The following TMEM201 variants were observed in gnomAD, a reference collection of about 807,000 sequenced individuals.
TMEM201 encodes transmembrane protein 201.
A neutral mutation model predicts 63.4 loss-of-function variants in TMEM201; 26 were observed. That is an observed-to-expected ratio of 0.41 (90% CI 0.30 to 0.57). The LOEUF is 0.57. TMEM201 is among the 20% of genes least tolerant of loss of function. TMEM201 has a pLI of 0.29. For synonymous variants in TMEM201, 417 were observed against 421.6 expected, an observed-to-expected ratio of 0.99 and a Z score of 0.14; for missense variants, 794 against 917.7, an observed-to-expected ratio of 0.87 and a Z score of 1.74.
intron 4 of TMEM201, among the ~76,000 whole-genome samples, chr1:9,599,449 G>A (rs918795574): frequency 5.3e-5 from 8 of 151,084 alleles, no homozygotes; most frequent in Admixed American, 2.0e-4. Context: ...GTTTCACCCT[G>A]TTGCTCAGGC....
Position 9,610,436 on chromosome 1 carries a change from A to G in TMEM201, c.1466-70A>G, listed in dbSNP as rs1486675814. 1.5e-6 allele frequency: 2 copies of G among 1,373,284 alleles called. No individual in the cohort carries two copies. Among genetic ancestry groups the G allele is most frequent in the Non-Finnish European group, 1.9e-6 (2 of 1,035,726 alleles). The allele number at this position is 1,373,284 out of a possible 1,614,324, so 85.1% of individuals were successfully genotyped here. The stretch of plus-strand genomic sequence containing the variant: ...GGTTAATAGAAGAATGCCCCCAGAA[A>G]TGAAATAGCGCATTGTAGCGTTGCA... On this transcript the variant is annotated intron_variant, in intron 8 of 10. Coordinates refer to ENST00000340381, the MANE Select transcript of TMEM201 (RefSeq NM_001130924.3). The surrounding 1 kb of genome is among the most constrained non-coding windows in gnomAD (Gnocchi z 4.9).
rs1044655906 is a variant in TMEM201 at position 9,604,558 on chromosome 1, G to T, written c.1160+2286G>T. The T allele has an allele frequency of 1.0e-6, 1 of 985,422 alleles. No individual in the cohort carries two copies. The highest frequency in any genetic ancestry group is 1.1e-4 in the East Asian group (1 of 8,816). 61.0% of individuals were successfully genotyped at this position (985,422 alleles called of 1,614,324 possible). A position where few individuals can be genotyped will look rare whatever the true frequency, so the allele number is the denominator to read the frequency against. On this transcript the variant is annotated intron_variant, in intron 6 of 10. Transcript: ENST00000340381. This position sits in a 1 kb window ranked among gnomAD's most constrained non-coding sequence, Gnocchi z 4.1. ...CCTGCCAGGGAACTCTTCTCCTCGC[G>T]GGGGACTTGGGATGGCCATCAGACC... is the stretch of plus-strand genomic sequence containing the variant.
chr1:9,590,770 C>T (rs1203506108), intron 1 of TMEM201, among the ~76,000 whole-genome samples: 1 of 152,178 alleles, frequency 6.6e-6, no homozygotes, highest in African/African-American at 2.4e-5. Context: ...TCATAGAGCA[C>T]TGGGTTTCAC....
At position 9,610,879 on chromosome 1, in the gene TMEM201, G is replaced by T. The variant is rs534098803; in HGVS notation, c.1765+74G>T. The stretch of plus-strand genomic sequence containing the variant: ...CAAGAGGCCTGGCTGTGCGGCGGTG[G>T]GGGGGCTCATCCTTGCTCTGACTCC... On this transcript the variant is annotated intron_variant, in intron 9 of 10. Coordinates refer to ENST00000340381, the MANE Select transcript of TMEM201 (RefSeq NM_001130924.3). This position sits in a 1 kb window ranked among gnomAD's most constrained non-coding sequence, Gnocchi z 4.9. The T allele has an allele frequency of 2.0e-6, 3 of 1,491,684 alleles. No homozygotes were observed. Among genetic ancestry groups the T allele is most frequent in the Admixed American group, 4.2e-5 (2 of 48,176 alleles). 92.4% of individuals were successfully genotyped at this position (1,491,684 alleles called of 1,614,324 possible).
rs1371701462 is a variant in TMEM201 at position 9,596,916 on chromosome 1, G to C, written c.292G>C (p.Val98Leu). The C allele has an allele frequency of 3.1e-6, 5 of 1,611,812 alleles. No homozygotes were observed. Among genetic ancestry groups the C allele is most frequent in the Non-Finnish European group, 4.2e-6 (5 of 1,178,860 alleles). The stretch of plus-strand genomic sequence containing the variant: ...GTACTTGGAGCACCTGAACCACGTG[G>C]TGAGCAGCGCGCCCAGCCTGCGCGA... ...AQYLEHLNHV[V>L]SSAPSLRDPS... Residue 98 changes from valine to leucine, a missense_variant, in exon 3 of 11, where the codon GTG becomes CTG. Transcript: ENST00000340381.
At chr1:9,598,346 C>G in intron 3 of TMEM201, 103 bp from the exon 4 acceptor site, 2 of 1,403,760 alleles carry the variant, frequency 1.4e-6, no homozygotes, top group Admixed American at 2.0e-5. Context: ...CCGGTCATCC[C>G]CTAGTAAGTG....
chr1:9,598,711 A>C, intron 4 of TMEM201, 86 bp downstream of exon 4: 1 of 1,342,638 alleles, frequency 7.4e-7, no homozygotes, highest in Non-Finnish European at 1.0e-6. Flanking sequence ...TAGTGACCAG[A>C]GGGTAGCTCT....
chr1:9,603,180 T>C lies in TMEM201; in HGVS notation c.1160+908T>C, dbSNP rs547582472. On this transcript the variant is annotated intron_variant, in intron 6 of 10. Transcript: ENST00000340381. The surrounding 1 kb of genome is among the most constrained non-coding windows in gnomAD (Gnocchi z 4.5). ...TGCTCACCATGGCCCAGCGCCACTC[T>C]GTCCTCCGACTCAGGTGAGGGGGCA... is the stretch of plus-strand genomic sequence containing the variant. 33 of 985,438 alleles carry C rather than the reference T, an allele frequency of 3.3e-5. No individual in the cohort carries two copies. In the South Asian group the frequency reaches 1.1e-3, roughly 34 times the overall value. 61.0% of individuals were successfully genotyped at this position (985,438 alleles called of 1,614,324 possible). A position where few individuals can be genotyped will look rare whatever the true frequency, so the allele number is the denominator to read the frequency against.
rs1018320987 is a variant in TMEM201, at chr1:9,607,708, C to G, written c.1312C>G (p.Arg438Gly). 3.2e-6 allele frequency: 5 copies of G among 1,551,778 alleles called. No individual in the cohort carries two copies. Among genetic ancestry groups the G allele is most frequent in the South Asian group, 1.2e-5 (1 of 84,068 alleles). ...LANQQLFRSP[R>G]RTSPSSLPGR... ...CAACCAGCAGCTCTTCCGGTCTCCT[C>G]GACGGACCTCACCCTCCTCATTGCC... The change falls in exon 7 of 11, where the codon CGA (arginine) becomes GGA (glycine). Residue 438 changes from arginine to glycine, a missense_variant. Arg to Gly is a moderately radical substitution (Grantham distance 125, BLOSUM62 -2). Coordinates refer to ENST00000340381, the MANE Select transcript of TMEM201 (RefSeq NM_001130924.3). This position sits in a 1 kb window ranked among gnomAD's most constrained non-coding sequence, Gnocchi z 5.4.
rs1644358582 is a variant in TMEM201 at position 9,613,942 on chromosome 1, T to A, written c.*859T>A. Reference sequence around the variant, plus strand: ...CTACTGGGCACCTGCCTCCAGCCCCTGAGAACTCCATCTTCCCCTAGTTCT... The same window carrying A: ...CTACTGGGCACCTGCCTCCAGCCCCAGAGAACTCCATCTTCCCCTAGTTCT... On this transcript the variant is annotated 3_prime_UTR_variant, in exon 11 of 11. Transcript: ENST00000340381. 1 of 152,322 alleles carries A rather than the reference T, an allele frequency of 6.6e-6. No homozygotes were observed. Among genetic ancestry groups the A allele is most frequent in the Non-Finnish European group, 1.5e-5 (1 of 68,166 alleles). The allele number at this position is 152,322 out of a possible 1,614,324, so 9.4% of individuals were successfully genotyped here. A position where few individuals can be genotyped will look rare whatever the true frequency, so the allele number is the denominator to read the frequency against.
chr1:9,601,330 C>T lies in TMEM201; in HGVS notation c.832C>T (p.Leu278Phe), dbSNP rs1356154591. Residue 278 changes from leucine to phenylalanine, a missense_variant, in exon 5 of 11, where the codon CTC becomes TTC. Transcript: ENST00000340381. Reference protein sequence around the residue: ...AEGWRQLLGLLPEHMAEKLCE... With the variant: ...AEGWRQLLGLFPEHMAEKLCE... The stretch of plus-strand genomic sequence containing the variant: ...GGGCTGGCGGCAGTTGCTGGGCCTA[C>T]TCCCCGAGCACATGGCGGAGAAGCT... 2.5e-6 allele frequency: 4 copies of T among 1,608,978 alleles called. No individual in the cohort carries two copies. Among genetic ancestry groups the T allele is most frequent in the Non-Finnish European group, 3.4e-6 (4 of 1,179,880 alleles).
chr1:9,602,295 C>CG (rs771850744), intron 6 of TMEM201, 23 bp downstream of exon 6: 19 of 1,608,762 alleles, frequency 1.2e-5, no homozygotes, highest in Admixed American at 8.4e-5. Context: ...GCCATGACTG[C>CG]GGGGGGAGGA....
chr1:9,597,321 G>A (rs1290984820), intron 3 of TMEM201, among the ~76,000 whole-genome samples: 1 of 152,212 alleles, frequency 6.6e-6, no homozygotes, highest in East Asian at 1.9e-4. Context: ...TCCAAGCCTA[G>A]GAACACCGTG....
In TMEM201 at chr1:9,598,643, C is replaced by T. The variant is rs1442220618; in HGVS notation, c.606+18C>T. 1.2e-6 allele frequency: 2 copies of T among 1,606,330 alleles called. No homozygotes were observed. The highest frequency in any genetic ancestry group is 1.3e-5 in the African/African-American group (1 of 74,838). On this transcript the variant is annotated intron_variant, in intron 4 of 10. Transcript: ENST00000340381. Reference sequence around the variant, plus strand: ...ACGCACAGGTGAGAGGCGGCATCCACAGGGCGGGGGTGGGGGTGTTGAGTT... The same window carrying T: ...ACGCACAGGTGAGAGGCGGCATCCATAGGGCGGGGGTGGGGGTGTTGAGTT...
rs1644279632 is a variant in TMEM201 at position 9,608,595 on chromosome 1, G to A, written c.1393+806G>A. ...TGGCACTTGAATGGAACTTGGGGTG[G>A]GAGGTGCCAGGAGCAGCCCTGCCCT... On this transcript the variant is annotated intron_variant, in intron 7 of 10. Coordinates refer to ENST00000340381, the MANE Select transcript of TMEM201 (RefSeq NM_001130924.3). This position sits in a 1 kb window ranked among gnomAD's most constrained non-coding sequence, Gnocchi z 4.3. Among the ~76,000 whole-genome samples the A allele has an allele frequency of 6.6e-6, 1 of 152,210 alleles. No homozygotes were observed. The highest frequency in any genetic ancestry group is 6.5e-5 in the Admixed American group (1 of 15,288).
intron 1 of TMEM201, among the ~76,000 whole-genome samples, chr1:9,593,895 A>G (rs1643964819): frequency 6.6e-6 from 1 of 152,224 alleles, no homozygotes; most frequent in South Asian, 2.1e-4. Flanking sequence ...GTTACAAAGA[A>G]GCCTGTACAA....
At position 9,607,349 on chromosome 1, in the gene TMEM201, G is replaced by A. The variant is rs1475565982; in HGVS notation, c.1161-208G>A. Among the ~76,000 whole-genome samples, 1 of 152,090 alleles carries A rather than the reference G, an allele frequency of 6.6e-6. No individual in the cohort carries two copies. The highest frequency in any genetic ancestry group is 1.9e-4 in the East Asian group (1 of 5,176). ...AGGAGGGGGCATGTGGGGAGGGCCGGGTCTTGCTGGCACCTCCCAGCCACC... is the reference window on the plus strand; with the variant it reads ...AGGAGGGGGCATGTGGGGAGGGCCGAGTCTTGCTGGCACCTCCCAGCCACC... On this transcript the variant is annotated intron_variant, in intron 6 of 10. Transcript: ENST00000340381. The surrounding 1 kb of genome is among the most constrained non-coding windows in gnomAD (Gnocchi z 5.4).
chr1:9,602,524 T>C, intron 6 of TMEM201: 1 of 1,393,192 alleles, frequency 7.2e-7, no homozygotes, highest in Non-Finnish European at 9.3e-7. Context: ...TGCTGCCACC[T>C]CTCTGGCCAA....
At chr1:9,609,817 C>T (rs574993485) in intron 7 of TMEM201, 23 bp from the exon 8 acceptor site, 11 of 1,550,892 alleles carry the variant, frequency 7.1e-6, no homozygotes, top group Admixed American at 2.0e-5. Context: ...CCTGACGTGT[C>T]GCCCGCTTCT....
Sources: gnomAD v4.1 joint callset for allele counts (sites outside exome capture counted in the v4.1 genomes callset) on GRCh38, gnomAD v4.1.1 for gene constraint, Gnocchi (gnomAD v3.1) non-coding constraint, MANE v1.5 for transcripts, NCBI Gene and HGNC (gene_info 2026-07-23, HGNC 2026-07-21) for gene names.